The following AFAP1L1 variants were observed in gnomAD, a reference collection of about 807,000 sequenced individuals.
The protein encoded by AFAP1L1 is actin filament associated protein 1 like 1.
Under a neutral mutation model 99.8 loss-of-function variants are expected in AFAP1L1, and 77 were observed. The ratio of observed to expected loss-of-function variants is 0.77; its 90% CI spans 0.64 to 0.93. The LOEUF is 0.93. Among genes scored for constraint, AFAP1L1 ranks in the 40% least tolerant of loss-of-function variants. The pLI, the probability that AFAP1L1 is intolerant of heterozygous loss-of-function variation, is 0.00. For synonymous variants in AFAP1L1, 373 were observed against 395.3 expected, an observed-to-expected ratio of 0.94 and a Z score of 0.67; for missense variants, 893 against 996.8, an observed-to-expected ratio of 0.90 and a Z score of 1.40.
At chr5:149,282,612 G>A (rs1755553917) in intron 1 of AFAP1L1, among the ~76,000 whole-genome samples, 1 of 152,162 alleles carries the variant, frequency 6.6e-6, no homozygotes, top group South Asian at 2.1e-4. Flanking sequence ...AGCCACACCT[G>A]TTCATTATAT....
At chr5:149,296,435 G>T (rs913720507) in intron 1 of AFAP1L1, among the ~76,000 whole-genome samples, 1 of 152,218 alleles carries the variant, frequency 6.6e-6, no homozygotes, top group Non-Finnish European at 1.5e-5. Context: ...ATAACATCCT[G>T]TGGGAGAGCA....
At chr5:149,293,516 A>C (rs185226706) in intron 1 of AFAP1L1, among the ~76,000 whole-genome samples, 34 of 152,344 alleles carry the variant, frequency 2.2e-4, no homozygotes, top group African/African-American at 7.0e-4. Context: ...GTTTAATATA[A>C]GAGGATTAGA....
In AFAP1L1 at chr5:149,278,745, G is replaced by A. The variant is rs150991822; in HGVS notation, c.16+6761G>A. 9.3e-4 allele frequency among the ~76,000 whole-genome samples: 142 copies of A among 152,302 alleles called. 1 individual carries two copies. Among genetic ancestry groups the A allele is most frequent in the Non-Finnish European group, 8.7e-4 (59 of 68,022 alleles). ...TCCCAGTGCCTGGCCCATAGTAGGT[G>A]CTTACTAATTGTTATTTCCCATCTT... On this transcript the variant is annotated intron_variant, in intron 1 of 18. Transcript: ENST00000296721.
intron 1 of AFAP1L1, among the ~76,000 whole-genome samples, chr5:149,284,722 G>A (rs1248106316): frequency 6.6e-6 from 1 of 152,166 alleles, no homozygotes; most frequent in Non-Finnish European, 1.5e-5. Flanking sequence ...CTGGGGAGCA[G>A]TGGATGAGTT....
intron 12 of AFAP1L1, 101 bp downstream of exon 12, chr5:149,318,041 G>A: frequency 7.4e-7 from 1 of 1,348,988 alleles, no homozygotes; most frequent in Non-Finnish European, 1.0e-6. Flanking sequence ...ACACCATGGG[G>A]ACTGAAGGGG....
chr5:149,289,622 CAG>C (rs1755790938), intron 1 of AFAP1L1, among the ~76,000 whole-genome samples: 1 of 152,196 alleles, frequency 6.6e-6, no homozygotes, highest in Non-Finnish European at 1.5e-5. Context: ...CACTTGGACT[CAG>C]AGAAGTGCTT....
rs1448582854 is a variant in AFAP1L1 at position 149,315,926 on chromosome 5, TGGG to T, written c.1114+15_1114+17del. The T allele has an allele frequency of 6.2e-7, 1 of 1,613,656 alleles. No individual in the cohort carries two copies. The highest frequency in any genetic ancestry group is 8.5e-7 in the Non-Finnish European group (1 of 1,179,640). On this transcript the variant is annotated intron_variant, in intron 10 of 18. Coordinates refer to ENST00000296721, the MANE Select transcript of AFAP1L1 (RefSeq NM_152406.4). ...GACCTGTGATCACGGTAGGAGCCTC[TGGG>T]GGCTCAGGCTGGGGAATGCTGGAAC...
chr5:149,332,878 G>A lies in AFAP1L1; in HGVS notation c.2154+5G>A. ...AGCAGCAAGCCCAAGAGTGGGGTGA[G>A]TCCAGGCCCTTCCATGCCAGGGGCA... On this transcript the variant is annotated splice_donor_5th_base_variant and intron_variant, in intron 17 of 18. Coordinates refer to ENST00000296721, the MANE Select transcript of AFAP1L1 (RefSeq NM_152406.4). 1.9e-6 allele frequency: 3 copies of A among 1,570,654 alleles called. No homozygotes were observed. The highest frequency in any genetic ancestry group is 2.6e-6 in the Non-Finnish European group (3 of 1,161,704).
chr5:149,311,549 T>C (rs1659114), intron 8 of AFAP1L1, among the ~76,000 whole-genome samples: 6,543 of 152,254 alleles, frequency 0.043, 192 homozygotes, highest in Non-Finnish European at 0.061. Context: ...AAGCCACCAA[T>C]TAGGTGAGCA....
chr5:149,304,836 A>G (rs1246910950), intron 5 of AFAP1L1, among the ~76,000 whole-genome samples: 1 of 152,190 alleles, frequency 6.6e-6, no homozygotes, highest in Non-Finnish European at 1.5e-5. Context: ...TGTCCCAGTC[A>G]CTGGGAATGT....
intron 1 of AFAP1L1, among the ~76,000 whole-genome samples, chr5:149,291,088 C>T (rs796659853): frequency 1.3e-5 from 2 of 152,118 alleles, no homozygotes; most frequent in African/African-American, 4.8e-5. Context: ...AGGAAGGTAT[C>T]CCTGAGGAAG....
intron 1 of AFAP1L1, among the ~76,000 whole-genome samples, chr5:149,273,674 A>G (rs1755210851): frequency 6.6e-6 from 1 of 152,030 alleles, no homozygotes; most frequent in Non-Finnish European, 1.5e-5. Flanking sequence ...CAGGGAGGAA[A>G]AACAGAGAGA....
chr5:149,338,015 G>T (rs897027114), intron 18 of AFAP1L1, among the ~76,000 whole-genome samples: 1 of 152,192 alleles, frequency 6.6e-6, no homozygotes, highest in African/African-American at 2.4e-5. Flanking sequence ...CCATGAAGGG[G>T]GAAGAGGCAG....
chr5:149,282,007 A>C (rs551022851), intron 1 of AFAP1L1, among the ~76,000 whole-genome samples: 2 of 152,246 alleles, frequency 1.3e-5, no homozygotes, highest in East Asian at 3.9e-4. Context: ...TGAAGCTCTC[A>C]TTATCCCGGA....
At chr5:149,301,347 C>A (rs189044064) in intron 4 of AFAP1L1, 117 bp downstream of exon 4, 2 of 873,630 alleles carry the variant, frequency 2.3e-6, no homozygotes, top group African/African-American at 1.7e-5. Flanking sequence ...TGTTGTCTCT[C>A]TCGGGTTGTG....
At chr5:149,283,390 C>T (rs1179422333) in intron 1 of AFAP1L1, among the ~76,000 whole-genome samples, 7 of 152,006 alleles carry the variant, frequency 4.6e-5, no homozygotes, top group East Asian at 3.9e-4. Flanking sequence ...CATGTTTCAC[C>T]GTGGCCTAGT....
At chr5:149,315,794 T>C in intron 9 of AFAP1L1, 27 bp from the exon 10 acceptor site, 1 of 1,594,766 alleles carries the variant, frequency 6.3e-7, no homozygotes, top group Non-Finnish European at 8.6e-7. Flanking sequence ...TGCCCTCTGA[T>C]GAGGGACTGC....
chr5:149,312,536 C>A (rs539978942), intron 9 of AFAP1L1, among the ~76,000 whole-genome samples: 20 of 152,236 alleles, frequency 1.3e-4, no homozygotes, highest in Non-Finnish European at 2.1e-4. Context: ...AATCCCAGCA[C>A]TTTGGGAGGC....
chr5:149,315,887 C>G lies in AFAP1L1; in HGVS notation c.1087C>G (p.Leu363Val), dbSNP rs927224116. The change falls in exon 10 of 19, where the codon CTT (leucine) becomes GTT (valine). Residue 363 changes from leucine (L) to valine (V), a missense_variant. Transcript: ENST00000296721. The part of the protein sequence containing the change: ...SVGVGDNCST[L>V]GRRETCDHGK... ...GGGTGTGGGTGACAACTGTTCTACC[C>G]TTGGCCGCCGGGAGACCTGTGATCA... is the stretch of plus-strand genomic sequence containing the variant. 1 of 1,614,144 alleles carries G rather than the reference C, an allele frequency of 6.2e-7. No homozygotes were observed. The highest frequency in any genetic ancestry group is 1.1e-5 in the South Asian group (1 of 91,078).
Sources: gnomAD v4.1 joint callset for allele counts (sites outside exome capture counted in the v4.1 genomes callset) on GRCh38, gnomAD v4.1.1 for gene constraint, MANE v1.5 for transcripts, NCBI Gene and HGNC (gene_info 2026-07-23, HGNC 2026-07-21) for gene names.